PQBP1: variants seen among roughly 807,000 people sequenced by gnomAD.
PQBP1 encodes polyglutamine-binding protein 1.
PQBP1 carries 3 observed loss-of-function variants against 20.9 expected under a neutral mutation model. That is an observed-to-expected ratio of 0.14 (90% CI 0.07 to 0.37). The LOEUF (loss-of-function observed/expected upper bound fraction) is 0.37. Ranked by LOEUF, PQBP1 falls within the 10% of genes least tolerant of loss-of-function variation. PQBP1 has a pLI of 1.00. For synonymous variants in PQBP1, 83 were observed against 93.8 expected, an observed-to-expected ratio of 0.88 and a Z score of 0.67; for missense variants, 162 against 240.3, an observed-to-expected ratio of 0.67 and a Z score of 2.16.
rs936337116 is a variant in PQBP1 at position 48,898,442 on chromosome X, G to C, written c.-18-50G>C. 13 of 1,108,718 alleles carry C rather than the reference G, an allele frequency of 1.2e-5. No homozygotes were observed. The African/African-American group carries it at 2.4e-4, about 20-fold the overall frequency. The allele number at this position is 1,108,718 out of a possible 1,213,427, so 91.4% of individuals were successfully genotyped here. On this transcript the variant is annotated intron_variant, in intron 1 of 6. Coordinates refer to ENST00000447146, the MANE Select transcript of PQBP1 (RefSeq NM_001032382.2). ...GGGAGGCGCTTGGTTACGGGATCCA[G>C]ATAGGAATCTTTATCTGAGCTGCTT...
At chrX:48,900,283 A>ATT (rs2063386258) in intron 2 of PQBP1, among the ~76,000 whole-genome samples, 1 of 43,973 alleles carries the variant, frequency 2.3e-5, no homozygotes, top group African/African-American at 8.9e-5. Flanking sequence ...TCATTGATTT[A>ATT]CTTTTTTTTT....
At chrX:48,898,785 C>CTTTTTTTTTTTTTTTTT (rs34214032) in intron 2 of PQBP1, among the ~76,000 whole-genome samples, 2 of 21,460 alleles carry the variant, frequency 9.3e-5, no homozygotes, top group African/African-American at 1.8e-4. Context: ...ATATTTCATT[C>CTTTTTTTTTTTTTTTTT]TTTTTTTTTT....
Position 48,898,483 on chromosome X carries a change from T to G in PQBP1, c.-18-9T>G. The G allele has an allele frequency of 8.3e-7, 1 of 1,206,122 alleles. No homozygotes were observed. The highest frequency in any genetic ancestry group is 1.1e-6 in the Non-Finnish European group (1 of 890,395). The stretch of plus-strand genomic sequence containing the variant: ...TGAGCTGCTTGTCAGTTTGTTCGTC[T>G]GTCCCTAGGTCTGTCTGCTATCAGC... On this transcript the variant is annotated splice_polypyrimidine_tract_variant and intron_variant, in intron 1 of 6. Coordinates refer to ENST00000447146, the MANE Select transcript of PQBP1 (RefSeq NM_001032382.2).
chrX:48,903,011 A>C lies in PQBP1; in HGVS notation c.725A>C (p.Gln242Pro). Residue 242 changes from glutamine to proline, a missense_variant, in exon 7 of 7, where the codon CAG becomes CCG. Transcript: ENST00000447146. ...ACAGCAGCTGGGCCCCTCTTCCAGC[A>C]GCGGCCGTATCCATCCCCAGGGGCT... ...DTTAAGPLFQ[Q>P]RPYPSPGAVL... is the part of the protein sequence containing the mutation. 1 of 1,204,848 alleles carries C rather than the reference A, an allele frequency of 8.3e-7. No individual in the cohort carries two copies.
chrX:48,901,128 A>G, intron 2 of PQBP1, 62 bp from the exon 3 acceptor site: 1 of 1,175,384 alleles, frequency 8.5e-7, no homozygotes, highest in East Asian at 3.2e-5. Context: ...TCTAGGCTCT[A>G]CATGTAGGAT....
intron 6 of PQBP1, 40 bp downstream of exon 6, chrX:48,902,835 T>C: frequency 3.4e-6 from 4 of 1,186,328 alleles, no homozygotes; most frequent in Non-Finnish European, 4.5e-6. Context: ...GTGGACACCA[T>C]CCTCCGGCCT....
chrX:48,899,311 T>C (rs1456499733), intron 2 of PQBP1, among the ~76,000 whole-genome samples: 2 of 112,171 alleles, frequency 1.8e-5, no homozygotes, highest in Non-Finnish European at 3.8e-5. Context: ...ACTGACTGGC[T>C]GGGCGTGGCG....
At chrX:48,902,570 G>A in intron 5 of PQBP1, 53 bp downstream of exon 5, 1 of 1,179,944 alleles carries the variant, frequency 8.5e-7, no homozygotes, top group Non-Finnish European at 1.1e-6. Flanking sequence ...AGGGTGCACT[G>A]CGTGAGGAAG....
rs1557040810 is a variant in PQBP1 at position 48,900,511 on chromosome X, A to G, written c.68-679A>G. Among the ~76,000 whole-genome samples the G allele has an allele frequency of 3.0e-5, 3 of 99,514 alleles. No homozygotes were observed. The East Asian group carries it at 9.7e-4, about 32-fold the overall frequency. The allele number at this position is 99,514 out of a possible 115,157, so 86.4% of individuals were successfully genotyped here. A position where few individuals can be genotyped will look rare whatever the true frequency, so the allele number is the denominator to read the frequency against. ...GGTTTCACCATGTTGGCCAGGCTGG[A>G]TTTTCTTTTAAGCCTATTGAATGAC... On this transcript the variant is annotated intron_variant, in intron 2 of 6. Transcript: ENST00000447146.
intron 2 of PQBP1, among the ~76,000 whole-genome samples, chrX:48,898,785 CTTTTTTTTTTTTTTTTTTTTTTTTTT>C (rs34214032): frequency 1.4e-4 from 3 of 21,459 alleles, no homozygotes; most frequent in East Asian, 1.9e-3. Context: ...ATATTTCATT[CTTTTTTTTTTTTTTTTTTTTTTTTTT>C]TTTTTTTTTT....
At position 48,901,312 on chromosome X, in the gene PQBP1, G is replaced by A. The variant is rs368277554; in HGVS notation, c.179+11G>A. 9.3e-6 allele frequency: 11 copies of A among 1,188,284 alleles called. No individual in the cohort carries two copies. In the Admixed American group the frequency reaches 9.4e-5, roughly 10 times the overall value. On this transcript the variant is annotated intron_variant, in intron 3 of 6. Transcript: ENST00000447146. The stretch of plus-strand genomic sequence containing the variant: ...GTTCGACCCTTCCTGGTGAGCCTGG[G>A]TGAGGGGGAGCTAACTTCTGGCTTC...
At position 48,897,968 on chromosome X, in the gene PQBP1, GAGA is replaced by G. The variant is rs1203722313; in HGVS notation, c.-130_-128del. On this transcript the variant is annotated 5_prime_UTR_variant, in exon 1 of 7. Transcript: ENST00000447146. ...GCTCGGGGAGTGAAGGCCTCGTTGA[GAGA>G]AGGTCTCATTCGGTGTTTTGGGAAG... 8.9e-6 allele frequency: 8 copies of G among 902,688 alleles called. No homozygotes were observed. The highest frequency in any genetic ancestry group is 7.7e-5 in the South Asian group (3 of 38,828). The allele number at this position is 902,688 out of a possible 1,213,427, so 74.4% of individuals were successfully genotyped here. A position where few individuals can be genotyped will look rare whatever the true frequency, so the allele number is the denominator to read the frequency against.
In PQBP1 at chrX:48,901,030, T is replaced by A. The variant is rs1460979254; in HGVS notation, c.68-160T>A. Reference sequence around the variant, plus strand: ...AACCTCCTAATATAGAGAGTTGGATTTGGAATGTGAAAGATACTTCATATT... The same window carrying A: ...AACCTCCTAATATAGAGAGTTGGATATGGAATGTGAAAGATACTTCATATT... On this transcript the variant is annotated intron_variant, in intron 2 of 6. Coordinates refer to ENST00000447146, the MANE Select transcript of PQBP1 (RefSeq NM_001032382.2). Among the ~76,000 whole-genome samples, 4 of 111,812 alleles carry A rather than the reference T, an allele frequency of 3.6e-5. No homozygotes were observed. The Admixed American group carries it at 3.8e-4, about 11-fold the overall frequency.
Position 48,902,723 on chromosome X carries a change from C to A in PQBP1, c.578-9C>A. 8.3e-7 allele frequency: 1 copy of A among 1,201,006 alleles called. No individual in the cohort carries two copies. Among genetic ancestry groups the A allele is most frequent in the Non-Finnish European group, 1.1e-6 (1 of 890,351 alleles). The stretch of plus-strand genomic sequence containing the variant: ...CTCTATTGAAGACTTTGCCCTGCCA[C>A]TTCCACAGCAGTAAGCCGAAAGGAT... On this transcript the variant is annotated splice_polypyrimidine_tract_variant and intron_variant, in intron 5 of 6. Coordinates refer to ENST00000447146, the MANE Select transcript of PQBP1 (RefSeq NM_001032382.2).
At chrX:48,898,785 CTTT>C (rs34214032) in intron 2 of PQBP1, among the ~76,000 whole-genome samples, 4 of 21,482 alleles carry the variant, frequency 1.9e-4, no homozygotes, top group Admixed American at 8.9e-4. Flanking sequence ...ATATTTCATT[CTTT>C]TTTTTTTTTT....
intron 2 of PQBP1, 116 bp from the exon 3 acceptor site, chrX:48,901,074 C>T (rs1191194301): frequency 9.1e-7 from 1 of 1,103,187 alleles, no homozygotes; most frequent in African/African-American, 1.8e-5. Flanking sequence ...CACACACACA[C>T]ACGTGTCTTT....
intron 2 of PQBP1, among the ~76,000 whole-genome samples, chrX:48,899,629 C>T (rs1159762641): frequency 9.0e-6 from 1 of 110,886 alleles, no homozygotes; most frequent in African/African-American, 3.3e-5. Flanking sequence ...ATACTGACCA[C>T]CTAATGCCTA....
intron 2 of PQBP1, among the ~76,000 whole-genome samples, chrX:48,899,011 T>G (rs2063358612): frequency 1.1e-5 from 1 of 94,826 alleles, no homozygotes; most frequent in Non-Finnish European, 2.1e-5. Context: ...AGAGTCTCGG[T>G]CTGTCGCCCA....
At chrX:48,901,757 G>A (rs1459583606) in intron 3 of PQBP1, among the ~76,000 whole-genome samples, 173 bp from the exon 4 acceptor site, 3 of 112,066 alleles carry the variant, frequency 2.7e-5, no homozygotes, top group Non-Finnish European at 5.6e-5. Flanking sequence ...GGGATTACAG[G>A]CATGAGCCAC....
Sources: allele counts gnomAD v4.1 joint callset (sites outside exome capture counted in the v4.1 genomes callset), GRCh38; gene constraint gnomAD v4.1.1; transcripts MANE v1.5; gene names NCBI Gene and HGNC (gene_info 2026-07-23, HGNC 2026-07-21).